PIEZO1: variants seen among roughly 807,000 people sequenced by gnomAD.
PIEZO1 encodes piezo type mechanosensitive ion channel component 1 (Er blood group).
Under a neutral mutation model 297.2 loss-of-function variants are expected in PIEZO1, and 296 were observed. The ratio of observed to expected loss-of-function variants is 1.00; its 90% CI spans 0.91 to 1.10. PIEZO1 has a LOEUF of 1.10. PIEZO1 is among the 50% of genes least tolerant of loss of function. The probability of loss-of-function intolerance (pLI) is 0.00; values close to 1 mark genes in which losing one functional copy is unlikely to be tolerated. For missense variants in PIEZO1, 5,018 were observed against 3,455.5 expected, an observed-to-expected ratio of 1.45 and a Z score of -11.34; for synonymous variants, 2,427 against 1,507.5, an observed-to-expected ratio of 1.61 and a Z score of -14.13.
chr16:88,734,133 G>A, intron 16 of PIEZO1, 79 bp from the exon 17 acceptor site: 3 of 1,438,410 alleles, frequency 2.1e-6, no homozygotes, highest in Non-Finnish European at 1.8e-6. Flanking sequence ...AGCCCTGTCG[G>A]CACCGCTTCT....
intron 41 of PIEZO1, 24 bp downstream of exon 41, chr16:88,720,361 G>T: frequency 6.5e-7 from 1 of 1,550,272 alleles, no homozygotes; most frequent in Non-Finnish European, 8.7e-7. Context: ...CGTACACTGG[G>T]TTTGGGTCCC....
chr16:88,731,692 C>A lies in PIEZO1; in HGVS notation c.3196+14G>T. On this transcript the variant is annotated intron_variant, in intron 22 of 50. Coordinates refer to ENST00000301015, the MANE Select transcript of PIEZO1 (RefSeq NM_001142864.4). ...CCACAAAGCCCACTCCCACCCAAGC[C>A]ACGTGCCCCTCACCAATGCACAGGG... 1 of 1,547,120 alleles carries A rather than the reference C, an allele frequency of 6.5e-7. No homozygotes were observed. The highest frequency in any genetic ancestry group is 8.7e-7 in the Non-Finnish European group (1 of 1,145,010).
intron 1 of PIEZO1, among the ~76,000 whole-genome samples, chr16:88,775,322 TGAATGCCATGGCCACCCACACAGGGA>T (rs1388598810): frequency 6.6e-6 from 1 of 152,166 alleles, no homozygotes; most frequent in Non-Finnish European, 1.5e-5. Flanking sequence ...CAACACAGGC[TGAATGCCATGGCCACCCACACAGGGA>T]GAGGACGTTC....
At chr16:88,743,318 C>T (rs1452308627) in intron 2 of PIEZO1, 3 of 456,144 alleles carry the variant, frequency 6.6e-6, no homozygotes, top group Non-Finnish European at 1.3e-5. Flanking sequence ...CCACCGGGTT[C>T]TGAGTCCTGA....
At chr16:88,753,309 C>T in intron 1 of PIEZO1, among the ~76,000 whole-genome samples, 1 of 93,354 alleles carries the variant, frequency 1.1e-5, no homozygotes. Flanking sequence ...CCCCGCAGCA[C>T]ACCTCCCGCC....
chr16:88,773,990 C>G (rs1442153326), intron 1 of PIEZO1, among the ~76,000 whole-genome samples: 1 of 152,206 alleles, frequency 6.6e-6, no homozygotes, highest in African/African-American at 2.4e-5. Context: ...CCCGCCACTG[C>G]TGACCTTCAG....
At position 88,719,145 on chromosome 16, in the gene PIEZO1, G is replaced by A. The variant is rs79864313; in HGVS notation, c.6471+429C>T. 5.1e-3 allele frequency: 1,028 copies of A among 200,720 alleles called. 8 individuals carry two copies. Among genetic ancestry groups the A allele is most frequent in the African/African-American group, 0.023 (965 of 42,772 alleles). The allele number at this position is 200,720 out of a possible 1,614,324, so 12.4% of individuals were successfully genotyped here. ...ATGATAGGGGTGAGCCGCTGTGCCC[G>A]GCCCGGGGTTTCTTTTTGAAGTGGT... On this transcript the variant is annotated intron_variant, in intron 44 of 50. Coordinates refer to ENST00000301015, the MANE Select transcript of PIEZO1 (RefSeq NM_001142864.4).
At chr16:88,732,036 C>G (rs969252917) in intron 21 of PIEZO1, 126 bp from the exon 22 acceptor site, 2 of 70,962 alleles carry the variant, frequency 2.8e-5, no homozygotes, top group South Asian at 1.7e-4. Context: ...CAAGCAAGGA[C>G]AGGGCCAGCG....
In PIEZO1 at chr16:88,734,802, C is replaced by T. The variant is rs1183052432; in HGVS notation, c.1849-4G>A. The T allele has an allele frequency of 6.5e-7, 1 of 1,550,284 alleles. No individual in the cohort carries two copies. The highest frequency in any genetic ancestry group is 8.7e-7 in the Non-Finnish European group (1 of 1,146,910). ...TCCGCCACAGGCTGTAGTAGACCTG[C>T]CGGGTGAGGTGGGGGTGGTGAGGAC... On this transcript the variant is annotated splice_region_variant and splice_polypyrimidine_tract_variant and intron_variant, in intron 14 of 50. Coordinates refer to ENST00000301015, the MANE Select transcript of PIEZO1 (RefSeq NM_001142864.4).
chr16:88,768,031 C>G (rs112056755), intron 1 of PIEZO1, among the ~76,000 whole-genome samples: 10 of 152,344 alleles, frequency 6.6e-5, no homozygotes, highest in Admixed American at 3.9e-4. Context: ...CCCCGTGGAC[C>G]AGACCCCTTA....
At position 88,734,372 on chromosome 16, in the gene PIEZO1, G is replaced by T. The variant is rs1222441148; in HGVS notation, c.2164C>A (p.Pro722Thr). Residue 722 changes from proline (P) to threonine (T), a missense_variant, in exon 16 of 51, where the codon CCG becomes ACG. Transcript: ENST00000301015. Reference sequence around the variant, plus strand: ...GGGCCGCACCTGTGAGCCCAGCGCGGGAGGCGCGTGCCAGGCAGGGACACG... The same window carrying T: ...GGGCCGCACCTGTGAGCCCAGCGCGTGAGGCGCGTGCCAGGCAGGGACACG... Reference protein sequence around the residue: ...EHVSLPGTRLPRWAHRQDAVS... With the variant: ...EHVSLPGTRLTRWAHRQDAVS... 6.5e-6 allele frequency: 10 copies of T among 1,540,882 alleles called. No homozygotes were observed. Among genetic ancestry groups the T allele is most frequent in the Non-Finnish European group, 8.8e-6 (10 of 1,141,864 alleles).
chr16:88,720,740 C>T lies in PIEZO1; in HGVS notation c.5677G>A (p.Asp1893Asn), dbSNP rs1332988872. 5 of 1,503,644 alleles carry T rather than the reference C, an allele frequency of 3.3e-6. 1 individual carries two copies. Among genetic ancestry groups the T allele is most frequent in the South Asian group, 2.6e-5 (2 of 76,012 alleles). The allele number at this position is 1,503,644 out of a possible 1,614,324, so 93.1% of individuals were successfully genotyped here. A position where few individuals can be genotyped will look rare whatever the true frequency, so the allele number is the denominator to read the frequency against. ...RKGAAAIEAE[D>N]REEEEGEEEK... is the part of the protein sequence containing the mutation. The stretch of plus-strand genomic sequence containing the variant: ...TCCTCCCCCTCTTCTTCCTCCCTGT[C>T]CTCAGCTTCTGTAGGGAAAAGCTGA... Residue 1893 changes from aspartate (D) to asparagine (N), a missense_variant, in exon 40 of 51, where the codon GAC (aspartate) becomes AAC (asparagine). Coordinates refer to ENST00000301015, the MANE Select transcript of PIEZO1 (RefSeq NM_001142864.4).
At chr16:88,754,090 C>G (rs982548709) in intron 1 of PIEZO1, among the ~76,000 whole-genome samples, 1 of 152,200 alleles carries the variant, frequency 6.6e-6, no homozygotes, top group African/African-American at 2.4e-5. Context: ...TTCCCAACCC[C>G]CAACCCCCTC....
intron 2 of PIEZO1, chr16:88,744,440 G>C (rs2142850431): frequency 6.6e-6 from 1 of 152,168 alleles, no homozygotes; most frequent in East Asian, 1.9e-4. Context: ...GCACTGAGAG[G>C]ACATCTGGGC....
At chr16:88,732,298 A>T in intron 21 of PIEZO1, 37 bp downstream of exon 21, 1 of 1,521,916 alleles carries the variant, frequency 6.6e-7, no homozygotes, top group Non-Finnish European at 8.9e-7. Context: ...CCGAAGGCCA[A>T]GCCCTGCCCC....
At chr16:88,725,219 G>A (rs577648198) in intron 29 of PIEZO1, 139 bp from the exon 30 acceptor site, 2 of 711,172 alleles carry the variant, frequency 2.8e-6, no homozygotes, top group African/African-American at 3.6e-5. Context: ...GTGGGGCCAT[G>A]GGGCTCAGAG....
chr16:88,761,284 GCA>G (rs1346695062), intron 1 of PIEZO1, among the ~76,000 whole-genome samples: 1 of 152,224 alleles, frequency 6.6e-6, no homozygotes, highest in Non-Finnish European at 1.5e-5. Context: ...TCACAGATGA[GCA>G]CACAGAGGCT....
intron 39 of PIEZO1, 27 bp downstream of exon 39, chr16:88,721,139 G>A (rs1276901911): frequency 7.5e-6 from 11 of 1,465,062 alleles, no homozygotes; most frequent in African/African-American, 2.8e-5. Context: ...TGGGTAGGCA[G>A]GAGGTTGTGA....
rs1912331430 is a variant in PIEZO1, at chr16:88,720,215, G to A, written c.6018C>T (p.Val2006=). 11 of 1,550,470 alleles carry A rather than the reference G, an allele frequency of 7.1e-6. No homozygotes were observed. Among genetic ancestry groups the A allele is most frequent in the African/African-American group, 2.7e-5 (2 of 73,058 alleles). ...TGGTACTGAACTGGATCAGCAGCAT[G>A]ACCAGGAAAGCCTCGGGTACCTGGT... The part of the protein sequence containing the change: ...SDDQVPEAFL[V]MLLIQFSTMV... The change falls in exon 42 of 51, where the codon GTC becomes GTT. Residue 2006 remains valine (V), a synonymous_variant. Transcript: ENST00000301015.
Sources: gnomAD v4.1 joint callset for allele counts (sites outside exome capture counted in the v4.1 genomes callset) on GRCh38, gnomAD v4.1.1 for gene constraint, MANE v1.5 for transcripts, NCBI Gene and HGNC (gene_info 2026-07-23, HGNC 2026-07-21) for gene names.